FHIT: variants seen among roughly 807,000 people sequenced by gnomAD.
FHIT encodes bis(5'-adenosyl)-triphosphatase.
Under a neutral mutation model 17.9 loss-of-function variants are expected in FHIT, and 19 were observed. The ratio of observed to expected loss-of-function variants is 1.06; its 90% CI spans 0.74 to 1.56. The LOEUF (loss-of-function observed/expected upper bound fraction) is 1.56. Among genes scored for constraint, FHIT ranks in the 40% most tolerant of loss-of-function variants. FHIT has a pLI of 0.00. For missense variants in FHIT, 248 were observed against 189.2 expected, an observed-to-expected ratio of 1.31 and a Z score of -1.82; for synonymous variants, 81 against 69.7, an observed-to-expected ratio of 1.16 and a Z score of -0.81.
intron 3 of FHIT, among the ~76,000 whole-genome samples, chr3:60,947,653 CCA>C (rs1488284190): frequency 2.0e-5 from 3 of 152,156 alleles, no homozygotes; most frequent in Admixed American, 2.0e-4. Context: ...GCCCACCCAA[CCA>C]CACACACAGA....
At chr3:60,016,784 T>C (rs974727507) in intron 5 of FHIT, among the ~76,000 whole-genome samples, 1 of 152,174 alleles carries the variant, frequency 6.6e-6, no homozygotes, top group Non-Finnish European at 1.5e-5. Flanking sequence ...TAGACCAAAA[T>C]CTGTCCTTAA....
intron 5 of FHIT, among the ~76,000 whole-genome samples, chr3:60,325,410 C>G (rs1464426119): frequency 6.6e-6 from 1 of 152,142 alleles, no homozygotes; most frequent in Non-Finnish European, 1.5e-5. Flanking sequence ...ACACATCTGT[C>G]AGCATAACCT....
intron 5 of FHIT, among the ~76,000 whole-genome samples, chr3:60,084,428 T>A (rs1337264367): frequency 3.9e-5 from 6 of 152,152 alleles, no homozygotes; most frequent in African/African-American, 9.7e-5. Flanking sequence ...ATAATAGGCA[T>A]CCACTTTGGG....
chr3:60,770,530 G>A (rs142947068), intron 4 of FHIT, among the ~76,000 whole-genome samples: 1,735 of 152,222 alleles, frequency 0.011, 28 homozygotes, highest in African/African-American at 0.039. Context: ...GGAAAAACAG[G>A]CTATGTGTGG....
At chr3:60,627,507 C>T (rs917568089) in intron 4 of FHIT, among the ~76,000 whole-genome samples, 1 of 152,030 alleles carries the variant, frequency 6.6e-6, no homozygotes, top group African/African-American at 2.4e-5. Flanking sequence ...GTAGTAAGGT[C>T]CCCTTTTTTA....
intron 2 of FHIT, among the ~76,000 whole-genome samples, chr3:61,069,002 C>A (rs924288222): frequency 6.6e-6 from 1 of 152,116 alleles, no homozygotes; most frequent in African/African-American, 2.4e-5. Flanking sequence ...CAGTGAAATT[C>A]TTGGTTGAGA....
chr3:60,965,508 A>G (rs1709685658), intron 3 of FHIT, among the ~76,000 whole-genome samples: 1 of 152,182 alleles, frequency 6.6e-6, no homozygotes, highest in African/African-American at 2.4e-5. Context: ...GTAGGAGAAG[A>G]GGCACTCTGA....
intron 4 of FHIT, among the ~76,000 whole-genome samples, chr3:60,609,349 TGA>T (rs2107728641): frequency 6.6e-6 from 1 of 151,986 alleles, no homozygotes; most frequent in South Asian, 2.1e-4. Flanking sequence ...TTTTTGAGAC[TGA>T]GTCTAGCTGT....
At chr3:59,934,855 A>C (rs972586126) in intron 7 of FHIT, among the ~76,000 whole-genome samples, 9 of 152,116 alleles carry the variant, frequency 5.9e-5, no homozygotes, top group African/African-American at 2.2e-4. Flanking sequence ...AATTTTCTCC[A>C]CCTGGTCCCA....
chr3:59,904,065 CT>C (rs1161071894), intron 8 of FHIT, among the ~76,000 whole-genome samples: 5 of 150,902 alleles, frequency 3.3e-5, no homozygotes, highest in Admixed American at 3.3e-4. Context: ...GTGGCTACTT[CT>C]TTTTTTTTCT....
intron 4 of FHIT, among the ~76,000 whole-genome samples, chr3:60,665,338 C>T (rs1168398000): frequency 6.6e-6 from 1 of 151,944 alleles, no homozygotes; most frequent in Non-Finnish European, 1.5e-5. Context: ...TGATGATTTT[C>T]TGTATAGTAG....
chr3:60,443,659 G>A (rs2031094493), intron 5 of FHIT, among the ~76,000 whole-genome samples: 1 of 152,086 alleles, frequency 6.6e-6, no homozygotes, highest in Non-Finnish European at 1.5e-5. Flanking sequence ...TTGATGTGCT[G>A]CTGGATTCAG....
intron 5 of FHIT, among the ~76,000 whole-genome samples, chr3:60,051,798 C>T (rs964607569): frequency 4.6e-5 from 7 of 152,028 alleles, no homozygotes; most frequent in African/African-American, 1.7e-4. Flanking sequence ...AGGAAACAAA[C>T]CATATATGGT....
At chr3:60,164,692 C>T (rs1338592207) in intron 5 of FHIT, among the ~76,000 whole-genome samples, 2 of 152,104 alleles carry the variant, frequency 1.3e-5, no homozygotes, top group Non-Finnish European at 2.9e-5. Context: ...TACAGGTGTG[C>T]TCAGTGCTCT....
rs148830587 is a variant in FHIT, at chr3:60,236,671, G to A, written c.104-222519C>T. ...ATGTATCCATCTATTAGATGCTATT[G>A]TCTTGTTTTGCAAGGCAATTGAGTG... is the stretch of plus-strand genomic sequence containing the variant. On this transcript the variant is annotated intron_variant, in intron 5 of 9. Transcript: ENST00000492590. Among the ~76,000 whole-genome samples, 794 of 151,234 alleles carry A rather than the reference G, an allele frequency of 5.3e-3. 6 individuals carry two copies. Among genetic ancestry groups the A allele is most frequent in the African/African-American group, 0.018 (725 of 40,638 alleles).
chr3:60,096,837 G>T (rs1343644224), intron 5 of FHIT, among the ~76,000 whole-genome samples: 1 of 151,896 alleles, frequency 6.6e-6, no homozygotes, highest in African/African-American at 2.4e-5. Flanking sequence ...AAAAGCTCAG[G>T]CTGGGGAAGG....
chr3:61,233,361 T>C (rs974652265), intron 1 of FHIT, among the ~76,000 whole-genome samples: 1 of 152,154 alleles, frequency 6.6e-6, no homozygotes, highest in African/African-American at 2.4e-5. Flanking sequence ...ATCTAAACAA[T>C]CCAGTAACAT....
At chr3:60,356,169 A>T (rs369743554) in intron 5 of FHIT, among the ~76,000 whole-genome samples, 2 of 152,232 alleles carry the variant, frequency 1.3e-5, no homozygotes, top group East Asian at 3.8e-4. Context: ...TTGTTCAGGA[A>T]GGATATTTAC....
intron 5 of FHIT, among the ~76,000 whole-genome samples, chr3:60,418,376 GTATATA>G (rs869203310): frequency 0.021 from 313 of 14,842 alleles, 4 homozygotes; most frequent in African/African-American, 0.062. Flanking sequence ...CTGAATGTGT[GTATATA>G]TATATATATA....
Sources: allele counts gnomAD v4.1 joint callset (sites outside exome capture counted in the v4.1 genomes callset), GRCh38; gene constraint gnomAD v4.1.1; transcripts MANE v1.5; gene names NCBI Gene and HGNC (gene_info 2026-07-23, HGNC 2026-07-21).